MAPK8: variants seen among roughly 807,000 people sequenced by gnomAD.
MAPK8 encodes the protein JUN N-terminal kinase.
Under a neutral mutation model 52.9 loss-of-function variants are expected in MAPK8, and 13 were observed. The observed-to-expected ratio is 0.25, with a 90% CI of 0.16 to 0.39. MAPK8 has a LOEUF of 0.39. Among genes scored for constraint, MAPK8 ranks in the 10% least tolerant of loss-of-function variants. The pLI is 1.00. For synonymous variants in MAPK8, 191 were observed against 169.8 expected, an observed-to-expected ratio of 1.12 and a Z score of -0.97; for missense variants, 300 against 519.2, an observed-to-expected ratio of 0.58 and a Z score of 4.10.
At chr10:48,397,040 C>T (rs1043646256) in intron 1 of MAPK8, among the ~76,000 whole-genome samples, 1 of 152,088 alleles carries the variant, frequency 6.6e-6, no homozygotes, top group African/African-American at 2.4e-5. Flanking sequence ...AACCATAGTA[C>T]AACTATCAAA....
At chr10:48,429,679 T>C (rs1589290063) in intron 10 of MAPK8, among the ~76,000 whole-genome samples, 1 of 151,600 alleles carries the variant, frequency 6.6e-6, no homozygotes, top group African/African-American at 2.4e-5. Context: ...AAACCATCTC[T>C]TATTCTCTCC....
chr10:48,410,627 A>G (rs2042698050), intron 5 of MAPK8, among the ~76,000 whole-genome samples: 1 of 152,258 alleles, frequency 6.6e-6, no homozygotes, highest in Non-Finnish European at 1.5e-5. Flanking sequence ...TTGAATATAT[A>G]TTTTCAGTCC....
chr10:48,371,707 CACAGGATGAGGTCTCAGTCCCACA>C (rs1848541667), intron 1 of MAPK8, among the ~76,000 whole-genome samples: 2 of 152,170 alleles, frequency 1.3e-5, no homozygotes, highest in South Asian at 4.1e-4. Context: ...CATCAGATCC[CACAGGATGAGGTCTCAGTCCCACA>C]ACACTGCCCC....
At chr10:48,340,184 A>C (rs1179550486) in intron 1 of MAPK8, among the ~76,000 whole-genome samples, 1 of 152,220 alleles carries the variant, frequency 6.6e-6, no homozygotes, top group East Asian at 1.9e-4. Flanking sequence ...ATAAAAGAAA[A>C]TGTGGTACAT....
chr10:48,365,666 CATTT>C (rs1199675442), intron 1 of MAPK8, among the ~76,000 whole-genome samples: 1 of 152,106 alleles, frequency 6.6e-6, no homozygotes, highest in Non-Finnish European at 1.5e-5. Flanking sequence ...TAAAATTATT[CATTT>C]GTCTATAAAG....
chr10:48,354,512 C>CA (rs1465679927), intron 1 of MAPK8, among the ~76,000 whole-genome samples: 1 of 152,188 alleles, frequency 6.6e-6, no homozygotes, highest in Non-Finnish European at 1.5e-5. Context: ...TTTTAATGTG[C>CA]ATCAGAATCA....
At chr10:48,392,849 G>C (rs990865856) in intron 1 of MAPK8, among the ~76,000 whole-genome samples, 2 of 152,072 alleles carry the variant, frequency 1.3e-5, no homozygotes, top group Non-Finnish European at 2.9e-5. Context: ...TAAAGAAGTA[G>C]CTATATCCAG....
chr10:48,337,363 G>A (rs576624450), intron 1 of MAPK8, among the ~76,000 whole-genome samples: 3 of 149,004 alleles, frequency 2.0e-5, no homozygotes, highest in African/African-American at 7.5e-5. Flanking sequence ...CCTGAATGAC[G>A]TTTGGCTAAA....
rs572969099 is a variant in MAPK8 at position 48,382,994 on chromosome 10, C to G, written c.-49-18618C>G. On this transcript the variant is annotated intron_variant, in intron 1 of 11. Coordinates refer to ENST00000374189, the MANE Select transcript of MAPK8 (RefSeq NM_001323329.2). ...GCCTGAATGTCAGCTTTTAATTAAG[C>G]TAATTTCTGGCTATAGACCTCTTTC... Among the ~76,000 whole-genome samples, 6 of 148,656 alleles carry G rather than the reference C, an allele frequency of 4.0e-5. No homozygotes were observed. The South Asian group carries it at 1.3e-3, about 31-fold the overall frequency.
chr10:48,364,646 T>A (rs1349258501), intron 1 of MAPK8, among the ~76,000 whole-genome samples: 1 of 152,164 alleles, frequency 6.6e-6, no homozygotes, highest in Admixed American at 6.5e-5. Context: ...TTGCCTAGGA[T>A]CAAAGAAACA....
chr10:48,412,705 T>C (rs564459324), intron 5 of MAPK8, among the ~76,000 whole-genome samples: 24 of 152,242 alleles, frequency 1.6e-4, no homozygotes, highest in Non-Finnish European at 1.5e-4. Context: ...CAAAATCCTT[T>C]GCTAGTTAGG....
chr10:48,362,066 G>T (rs1349394115), intron 1 of MAPK8, among the ~76,000 whole-genome samples: 2 of 152,164 alleles, frequency 1.3e-5, no homozygotes, highest in African/African-American at 4.8e-5. Context: ...AGTGGTCTGT[G>T]ATGCAAAAGT....
intron 1 of MAPK8, among the ~76,000 whole-genome samples, chr10:48,374,588 C>T (rs1029224097): frequency 3.9e-5 from 6 of 152,098 alleles, no homozygotes; most frequent in African/African-American, 1.4e-4. Context: ...TACCAACTAC[C>T]ATCAGAGAAT....
intron 1 of MAPK8, among the ~76,000 whole-genome samples, chr10:48,385,034 C>G (rs2041227617): frequency 6.6e-6 from 1 of 152,114 alleles, no homozygotes; most frequent in Non-Finnish European, 1.5e-5. Flanking sequence ...AGGTATTCAT[C>G]AGGAATTCTT....
intron 1 of MAPK8, among the ~76,000 whole-genome samples, chr10:48,361,889 C>T (rs1484167510): frequency 6.6e-6 from 1 of 152,200 alleles, no homozygotes; most frequent in East Asian, 1.9e-4. Flanking sequence ...CCCTTCCTGG[C>T]ATGCAGACTG....
At position 48,435,158 on chromosome 10, in the gene MAPK8, AAGT is replaced by A. The variant is rs1474710880; in HGVS notation, c.*133_*135del. On this transcript the variant is annotated 3_prime_UTR_variant, in exon 12 of 12. Transcript: ENST00000374189. The stretch of plus-strand genomic sequence containing the variant: ...AAAATGTAGAATTCATTTTGTAGTA[AAGT>A]AGTTTATTTTTTTTAATTTCAAGTG... The A allele has an allele frequency of 1.0e-5, 7 of 690,210 alleles. No individual in the cohort carries two copies. Among genetic ancestry groups the A allele is most frequent in the East Asian group, 2.9e-5 (1 of 34,328 alleles). 42.8% of individuals were successfully genotyped at this position (690,210 alleles called of 1,614,324 possible).
chr10:48,371,785 T>C (rs1848549474), intron 1 of MAPK8, among the ~76,000 whole-genome samples: 1 of 152,134 alleles, frequency 6.6e-6, no homozygotes, highest in Non-Finnish European at 1.5e-5. Flanking sequence ...TAGCCTTGTG[T>C]CTGACTGAAT....
chr10:48,411,089 G>A (rs2042723610), intron 5 of MAPK8, among the ~76,000 whole-genome samples: 1 of 152,114 alleles, frequency 6.6e-6, no homozygotes, highest in South Asian at 2.1e-4. Context: ...TGTTCACTTT[G>A]CTGATGATTT....
chr10:48,365,380 C>T (rs942522894), intron 1 of MAPK8, among the ~76,000 whole-genome samples: 1 of 152,254 alleles, frequency 6.6e-6, no homozygotes, highest in South Asian at 2.1e-4. Flanking sequence ...CAAAAATAAC[C>T]AGTAATGCGA....
Sources: allele counts gnomAD v4.1 joint callset (sites outside exome capture counted in the v4.1 genomes callset), GRCh38; gene constraint gnomAD v4.1.1; transcripts MANE v1.5; gene names NCBI Gene and HGNC (gene_info 2026-07-23, HGNC 2026-07-21).